Variants in CTU1 observed in about 807,000 individuals in gnomAD.
CTU1 encodes the protein cytosolic thiouridylase subunit 1.
In CTU1, 15 loss-of-function variants were observed where a neutral mutation model predicts 12.9. That is an observed-to-expected ratio of 1.16 (90% CI 0.78 to 1.79). The LOEUF (loss-of-function observed/expected upper bound fraction) is 1.79. Among genes scored for constraint, CTU1 ranks in the 40% most tolerant of loss-of-function variants. The pLI is 0.00. For missense variants in CTU1, 553 were observed against 550.5 expected (o/e 1.00, Z -0.05); for synonymous variants, 295 against 275.6 (o/e 1.07, Z -0.70).
At position 51,098,211 on chromosome 19, in the gene CTU1, C is replaced by T. The variant is rs188179831; in HGVS notation, c.*390G>A. The T allele has an allele frequency of 2.6e-4, 40 of 155,900 alleles. No homozygotes were observed. The highest frequency in any genetic ancestry group is 4.7e-4 in the Non-Finnish European group (33 of 70,496). The allele number at this position is 155,900 out of a possible 1,614,324, so 9.7% of individuals were successfully genotyped here. On this transcript the variant is annotated 3_prime_UTR_variant, in exon 3 of 3. Coordinates refer to ENST00000421832, the MANE Select transcript of CTU1 (RefSeq NM_145232.4). The surrounding 1 kb of genome is among the most constrained non-coding windows in gnomAD (Gnocchi z 4.3). ...CCTGGGCAGGAGGTCCCCAACCAAT[C>T]CCCACTCGCTCAAGAATCACACGGT...
rs2091893519 is a variant in CTU1 at position 51,097,694 on chromosome 19, G to GA, written c.*906_*907insT. On this transcript the variant is annotated 3_prime_UTR_variant, in exon 3 of 3. Coordinates refer to ENST00000421832, the MANE Select transcript of CTU1 (RefSeq NM_145232.4). ...GCCTTGATGCGGGGGGGATGGGGGGGCGGGGGGGAAGGGGGCTGATTATAT... is the reference window on the plus strand; with the variant it reads ...GCCTTGATGCGGGGGGGATGGGGGGGACGGGGGGGAAGGGGGCTGATTATAT... 6.8e-6 allele frequency: 1 copy of GA among 146,498 alleles called. No homozygotes were observed. Among genetic ancestry groups the GA allele is most frequent in the African/African-American group, 2.5e-5 (1 of 39,696 alleles). 9.1% of individuals were successfully genotyped at this position (146,498 alleles called of 1,614,324 possible).
At position 51,108,067 on chromosome 19, in the gene CTU1, G is replaced by C. The variant is rs2091924662; in HGVS notation, c.-22+280C>G. Among the ~76,000 whole-genome samples the C allele has an allele frequency of 6.6e-6, 1 of 152,092 alleles. No individual in the cohort carries two copies. Among genetic ancestry groups the C allele is most frequent in the African/African-American group, 2.4e-5 (1 of 41,398 alleles). On this transcript the variant is annotated intron_variant, in intron 1 of 2. Transcript: ENST00000421832. The surrounding 1 kb of genome is among the most constrained non-coding windows in gnomAD (Gnocchi z 4.5). ...CCTCTGGATTGCAGCCTTGTCAAAA[G>C]GACAGATAATGTGTGGCATGGGGGC...
rs2091893648 is a variant in CTU1 at position 51,097,702 on chromosome 19, G to GCGGGGGGA, written c.*898_*899insTCCCCCCG. 1.6e-5 allele frequency: 2 copies of GCGGGGGGA among 123,924 alleles called. No individual in the cohort carries two copies. The highest frequency in any genetic ancestry group is 5.9e-5 in the African/African-American group (2 of 34,188). The allele number at this position is 123,924 out of a possible 1,614,324, so 7.7% of individuals were successfully genotyped here. On this transcript the variant is annotated 3_prime_UTR_variant, in exon 3 of 3. Coordinates refer to ENST00000421832, the MANE Select transcript of CTU1 (RefSeq NM_145232.4). The stretch of plus-strand genomic sequence containing the variant: ...GCGGGGGGGATGGGGGGGCGGGGGG[G>GCGGGGGGA]AAGGGGGCTGATTATATTTTCATAG...
At chr19:51,099,342 C>T (rs1185105405) in intron 2 of CTU1, among the ~76,000 whole-genome samples, 19 of 151,940 alleles carry the variant, frequency 1.3e-4, no homozygotes, top group Non-Finnish European at 2.8e-4. Context: ...GACCCCCAAA[C>T]ATGGTGTGAC....
intron 2 of CTU1, 141 bp from the exon 3 acceptor site, chr19:51,099,280 G>C (rs2091901577): frequency 1.5e-6 from 1 of 675,470 alleles, no homozygotes; most frequent in Non-Finnish European, 2.3e-6. Context: ...GCACAGTGGG[G>C]CCGCCAGGAC....
intron 2 of CTU1, among the ~76,000 whole-genome samples, chr19:51,100,905 GTTT>G (rs984337440): frequency 6.9e-6 from 1 of 143,890 alleles, no homozygotes; most frequent in Non-Finnish European, 1.5e-5. Flanking sequence ...TTTTTTTATG[GTTT>G]TTTTTTTTCA....
chr19:51,107,814 A>G (rs1431850807), intron 1 of CTU1, among the ~76,000 whole-genome samples: 1 of 152,126 alleles, frequency 6.6e-6, no homozygotes, highest in African/African-American at 2.4e-5. Flanking sequence ...CAAAGACTTT[A>G]TGGACCCTCG....
chr19:51,103,863 C>T (rs1247805515), intron 2 of CTU1, among the ~76,000 whole-genome samples, 199 bp downstream of exon 2: 1 of 152,202 alleles, frequency 6.6e-6, no homozygotes, highest in Admixed American at 6.5e-5. Context: ...GCGTCTTGAA[C>T]CTTTAAAGGG....
Position 51,098,358 on chromosome 19 carries a change from TCA to T in CTU1, c.*241_*242del, listed in dbSNP as rs924305586. The T allele has an allele frequency of 1.3e-5, 4 of 310,830 alleles. No homozygotes were observed. Among genetic ancestry groups the T allele is most frequent in the East Asian group, 5.3e-5 (1 of 18,994 alleles). 19.3% of individuals were successfully genotyped at this position (310,830 alleles called of 1,614,324 possible). A position where few individuals can be genotyped will look rare whatever the true frequency, so the allele number is the denominator to read the frequency against. ...GGCTTAGTCCTGGCCCTCTCCTCTC[TCA>T]GACCTAGGATGGTCCCCCAGCCCCC... On this transcript the variant is annotated 3_prime_UTR_variant, in exon 3 of 3. Transcript: ENST00000421832. This position sits in a 1 kb window ranked among gnomAD's most constrained non-coding sequence, Gnocchi z 4.3.
intron 1 of CTU1, among the ~76,000 whole-genome samples, chr19:51,106,143 G>A (rs2091920194): frequency 2.0e-5 from 3 of 152,146 alleles, no homozygotes; most frequent in African/African-American, 7.2e-5. Flanking sequence ...GCTAATGGCC[G>A]ATGAGGCCCT....
At chr19:51,103,825 A>G (rs1444905350) in intron 2 of CTU1, among the ~76,000 whole-genome samples, 3 of 152,176 alleles carry the variant, frequency 2.0e-5, no homozygotes, top group Non-Finnish European at 2.9e-5. Context: ...AACCTTTGTG[A>G]TCACTGCCTG....
chr19:51,102,097 G>A (rs2122793136), intron 2 of CTU1, among the ~76,000 whole-genome samples: 1 of 152,252 alleles, frequency 6.6e-6, no homozygotes, highest in African/African-American at 2.4e-5. Flanking sequence ...TCCGCCTCCC[G>A]GGTTCAAGCA....
chr19:51,106,184 C>G (rs1361474152), intron 1 of CTU1, among the ~76,000 whole-genome samples: 1 of 152,204 alleles, frequency 6.6e-6, no homozygotes, highest in African/African-American at 2.4e-5. Context: ...CTCCAACCTC[C>G]TCTCCTTCAG....
rs185404766 is a variant in CTU1 at position 51,107,917 on chromosome 19, C to A, written c.-22+430G>T. On this transcript the variant is annotated intron_variant, in intron 1 of 2. Coordinates refer to ENST00000421832, the MANE Select transcript of CTU1 (RefSeq NM_145232.4). ...ACAGGTCTGTCTCTCTGCTTCAAGG[C>A]AGGGACAGGGTTGGTCTGGTGCCCT... is the stretch of plus-strand genomic sequence containing the variant. Among the ~76,000 whole-genome samples the A allele has an allele frequency of 4.7e-3, 713 of 152,260 alleles. 3 individuals are homozygous for A. The Middle Eastern group carries it at 0.051, about 11-fold the overall frequency.
chr19:51,106,073 C>T (rs193009255), intron 1 of CTU1, among the ~76,000 whole-genome samples: 11 of 152,306 alleles, frequency 7.2e-5, no homozygotes, highest in African/African-American at 2.2e-4. Flanking sequence ...CCAGTGGGAT[C>T]ATGCCCTGAA....
At chr19:51,099,173 G>A in intron 2 of CTU1, 34 bp from the exon 3 acceptor site, 1 of 1,541,528 alleles carries the variant, frequency 6.5e-7, no homozygotes, top group South Asian at 1.2e-5. Context: ...GTGAGGTGGG[G>A]CGCGGAGGGC....
In CTU1 at chr19:51,098,700, G is replaced by A. The variant is rs750464899; in HGVS notation, c.948C>T (p.Ala316=). 155 of 1,274,600 alleles carry A rather than the reference G, an allele frequency of 1.2e-4. No homozygotes were observed. Among genetic ancestry groups the A allele is most frequent in the Non-Finnish European group, 1.5e-4 (149 of 1,006,432 alleles). 79.0% of individuals were successfully genotyped at this position (1,274,600 alleles called of 1,614,324 possible). The stretch of plus-strand genomic sequence containing the variant: ...CCAGACCCCGGCGGCCCTTGCCGAT[G>A]GCCAGGCGGGGCCGGCCGCGGTTCA... ...DGLNRGRPRL[A]IGKGRRGLDE... Residue 316 remains alanine, a synonymous_variant, in exon 3 of 3, where the codon GCC becomes GCT. Transcript: ENST00000421832. This position sits in a 1 kb window ranked among gnomAD's most constrained non-coding sequence, Gnocchi z 4.3.
intron 2 of CTU1, among the ~76,000 whole-genome samples, chr19:51,102,631 G>C (rs1054100304): frequency 6.6e-6 from 1 of 152,096 alleles, no homozygotes; most frequent in East Asian, 1.9e-4. Flanking sequence ...CAGGTTCCTC[G>C]CCATGGCCTG....
At chr19:51,102,395 A>G (rs571108310) in intron 2 of CTU1, among the ~76,000 whole-genome samples, 5 of 152,216 alleles carry the variant, frequency 3.3e-5, no homozygotes, top group Non-Finnish European at 5.9e-5. Context: ...GATTTCTCCA[A>G]AGTTACTCAG....
Sources: gnomAD v4.1 joint callset for allele counts (sites outside exome capture counted in the v4.1 genomes callset) on GRCh38, gnomAD v4.1.1 for gene constraint, Gnocchi (gnomAD v3.1) non-coding constraint, MANE v1.5 for transcripts, NCBI Gene and HGNC (gene_info 2026-07-23, HGNC 2026-07-21) for gene names.